HDAC4: variants seen among roughly 807,000 people sequenced by gnomAD.
HDAC4 encodes histone deacetylase 4, also known as histone deacetylase A.
A neutral mutation model predicts 135.1 loss-of-function variants in HDAC4; 16 were observed. That is an observed-to-expected ratio of 0.12 (90% CI 0.08 to 0.18). HDAC4 has a LOEUF of 0.18. Ranked by LOEUF, HDAC4 falls within the 10% of genes least tolerant of loss-of-function variation. The pLI is 1.00. For synonymous variants in HDAC4, 685 were observed against 653.4 expected, an observed-to-expected ratio of 1.05 and a Z score of -0.74; for missense variants, 1,143 against 1,511.8, an observed-to-expected ratio of 0.76 and a Z score of 4.05.
chr2:239,107,090 G>A (rs1250136968), intron 15 of HDAC4, among the ~76,000 whole-genome samples: 1 of 152,212 alleles, frequency 6.6e-6, no homozygotes, highest in African/African-American at 2.4e-5. Flanking sequence ...CCAGACGGGA[G>A]TCTCTTCTCT....
intron 2 of HDAC4, among the ~76,000 whole-genome samples, chr2:239,333,499 A>C (rs1691721695): frequency 6.6e-6 from 1 of 152,168 alleles, no homozygotes; most frequent in African/African-American, 2.4e-5. Context: ...TAGATGATAA[A>C]AATTAAACTG....
At chr2:239,111,878 G>A (rs1047003832) in intron 13 of HDAC4, among the ~76,000 whole-genome samples, 166 bp from the exon 14 acceptor site, 1 of 152,216 alleles carries the variant, frequency 6.6e-6, no homozygotes. Context: ...CCCTGTGAGT[G>A]CCCTGAAGCC....
chr2:239,084,971 GCA>G (rs1263624602), intron 19 of HDAC4, among the ~76,000 whole-genome samples: 2 of 121,948 alleles, frequency 1.6e-5, no homozygotes, highest in African/African-American at 3.2e-5. Flanking sequence ...ACACATACAA[GCA>G]CACACACACA....
intron 7 of HDAC4, among the ~76,000 whole-genome samples, chr2:239,150,809 G>A (rs55854015): frequency 9.0e-5 from 13 of 144,276 alleles, no homozygotes; most frequent in South Asian, 6.6e-4. Context: ...AGTATATACC[G>A]CACCTCCTGA....
At chr2:239,196,569 G>A (rs956191398) in intron 3 of HDAC4, among the ~76,000 whole-genome samples, 1 of 152,216 alleles carries the variant, frequency 6.6e-6, no homozygotes, top group Non-Finnish European at 1.5e-5. Context: ...GTCCGAGTCT[G>A]CCGTCAGCTT....
intron 19 of HDAC4, among the ~76,000 whole-genome samples, chr2:239,084,465 G>GCACACA (rs78087978): frequency 6.5e-5 from 7 of 107,970 alleles, no homozygotes; most frequent in South Asian, 2.9e-4. Context: ...GCGTGCGCGC[G>GCACACA]CACACACACA....
At chr2:239,297,589 G>A (rs561204230) in intron 2 of HDAC4, among the ~76,000 whole-genome samples, 3 of 152,274 alleles carry the variant, frequency 2.0e-5, no homozygotes, top group South Asian at 2.1e-4. Flanking sequence ...ACATGAGAAC[G>A]CCTGTGCATC....
chr2:239,275,259 C>T (rs2050289915), intron 2 of HDAC4, among the ~76,000 whole-genome samples: 1 of 152,254 alleles, frequency 6.6e-6, no homozygotes. Context: ...GCAAGCCGCC[C>T]CACGCTGGAG....
chr2:239,136,066 T>C (rs1410149092), intron 9 of HDAC4, among the ~76,000 whole-genome samples: 1 of 152,180 alleles, frequency 6.6e-6, no homozygotes. Context: ...ATCACCACTA[T>C]ATCCCCTACA....
chr2:239,209,770 G>A (rs1471856356), intron 3 of HDAC4, among the ~76,000 whole-genome samples: 3 of 152,318 alleles, frequency 2.0e-5, no homozygotes, highest in South Asian at 4.1e-4. Context: ...ACCTGTATCC[G>A]TAACATGTAA....
Position 239,327,259 on chromosome 2 carries a change from G to A in HDAC4, c.22+25419C>T, listed in dbSNP as rs538346093. On this transcript the variant is annotated intron_variant, in intron 2 of 26. Transcript: ENST00000543185. ...GGGAGGGAGGGTGTGCCTTTCCCAC[G>A]GGGTGGCCCAGGGCTCGGCTGAGCC... Among the ~76,000 whole-genome samples, 11 of 152,300 alleles carry A rather than the reference G, an allele frequency of 7.2e-5. No individual in the cohort carries two copies. In the East Asian group the frequency reaches 7.7e-4, roughly 11 times the overall value.
At chr2:239,339,451 C>T (rs1190640410) in intron 2 of HDAC4, among the ~76,000 whole-genome samples, 2 of 152,232 alleles carry the variant, frequency 1.3e-5, no homozygotes, top group East Asian at 3.8e-4. Context: ...CTCCCAGCTC[C>T]TGCCCCTGTC....
intron 2 of HDAC4, among the ~76,000 whole-genome samples, chr2:239,241,993 T>C (rs531939945): frequency 9.0e-4 from 136 of 151,514 alleles, no homozygotes; most frequent in African/African-American, 3.0e-3. Context: ...TTGGGCAAAA[T>C]TGGCCTTTTA....
At chr2:239,210,116 T>C (rs2046281719) in intron 3 of HDAC4, among the ~76,000 whole-genome samples, 1 of 151,950 alleles carries the variant, frequency 6.6e-6, no homozygotes, top group Non-Finnish European at 1.5e-5. Context: ...CCTTGAAAAA[T>C]TCCTGCACGT....
chr2:239,182,150 T>C (rs904897942), intron 4 of HDAC4, among the ~76,000 whole-genome samples: 7 of 152,166 alleles, frequency 4.6e-5, no homozygotes, highest in East Asian at 1.9e-4. Flanking sequence ...TGTCTGCAGA[T>C]TGGGAATGCC....
chr2:239,180,120 C>T (rs1455169082), intron 4 of HDAC4, among the ~76,000 whole-genome samples: 2 of 152,068 alleles, frequency 1.3e-5, no homozygotes, highest in Admixed American at 6.5e-5. Flanking sequence ...AGGCCCGAGC[C>T]GACTGGCAAG....
chr2:239,067,490 C>G (rs903332731), intron 23 of HDAC4, among the ~76,000 whole-genome samples: 1 of 152,252 alleles, frequency 6.6e-6, no homozygotes, highest in Non-Finnish European at 1.5e-5. Flanking sequence ...CCCAAAGCCT[C>G]GGTTCATCCC....
Position 239,262,064 on chromosome 2 carries a change from C to T in HDAC4, c.23-25400G>A, listed in dbSNP as rs911489642. Among the ~76,000 whole-genome samples the T allele has an allele frequency of 2.6e-5, 4 of 152,316 alleles. No homozygotes were observed. The highest frequency in any genetic ancestry group is 4.1e-4 in the South Asian group (2 of 4,830). ...AGCAGGGTGGCATCTGCCCCCTTGT[C>T]GCTCCAAGGGAAAGCCCTGAGGGAC... On this transcript the variant is annotated intron_variant, in intron 2 of 26. Transcript: ENST00000543185. The surrounding 1 kb of genome is among the most constrained non-coding windows in gnomAD (Gnocchi z 4.1).
intron 15 of HDAC4, among the ~76,000 whole-genome samples, chr2:239,106,189 A>T (rs1040477043): frequency 6.6e-6 from 1 of 152,062 alleles, no homozygotes; most frequent in African/African-American, 2.4e-5. Context: ...GGGCGGGCGG[A>T]GGAGCTGAGG....
Sources: gnomAD v4.1 joint callset for allele counts (sites outside exome capture counted in the v4.1 genomes callset) on GRCh38, gnomAD v4.1.1 for gene constraint, Gnocchi (gnomAD v3.1) non-coding constraint, MANE v1.5 for transcripts, NCBI Gene and HGNC (gene_info 2026-07-23, HGNC 2026-07-21) for gene names.